Variants in DIP2B observed in about 807,000 individuals in gnomAD.
DIP2B encodes disco-interacting protein 2 homolog B.
DIP2B carries 76 observed loss-of-function variants against 198.0 expected under a neutral mutation model. The observed-to-expected ratio is 0.38, with a 90% confidence interval of 0.32 to 0.46. The LOEUF (loss-of-function observed/expected upper bound fraction) is 0.46. Among genes scored for constraint, DIP2B ranks in the 20% least tolerant of loss-of-function variants. DIP2B has a pLI of 0.99. For synonymous variants in DIP2B, 701 were observed against 739.1 expected (o/e 0.95, Z 0.84); for missense variants, 1,559 against 1,978.4 (o/e 0.79, Z 4.02).
intron 12 of DIP2B, 121 bp from the exon 13 acceptor site, chr12:50,690,928 T>C (rs1939212624): frequency 1.4e-6 from 1 of 737,128 alleles, no homozygotes; most frequent in Non-Finnish European, 2.2e-6. Context: ...ATATTCATAT[T>C]AAACATGTTA....
intron 1 of DIP2B, among the ~76,000 whole-genome samples, chr12:50,598,094 C>CTT (rs2139437477): frequency 6.6e-6 from 1 of 152,236 alleles, no homozygotes; most frequent in East Asian, 1.9e-4. Context: ...GATTTAGTTT[C>CTT]TTTAATGCCG....
intron 1 of DIP2B, among the ~76,000 whole-genome samples, chr12:50,581,283 C>G (rs1958722212): frequency 6.7e-6 from 1 of 149,408 alleles, no homozygotes; most frequent in Admixed American, 6.8e-5. Context: ...GGAATTTATT[C>G]ATAAGCTAAA....
At chr12:50,588,885 T>C (rs1302041330) in intron 1 of DIP2B, among the ~76,000 whole-genome samples, 1 of 152,206 alleles carries the variant, frequency 6.6e-6, no homozygotes, top group African/African-American at 2.4e-5. Context: ...GCTGTCTCAT[T>C]AAATTAAAAT....
intron 4 of DIP2B, 111 bp downstream of exon 4, chr12:50,660,430 G>A (rs1180157037): frequency 1.6e-6 from 2 of 1,270,028 alleles, no homozygotes; most frequent in African/African-American, 1.5e-5. Flanking sequence ...CCCGCCATTA[G>A]AGGAATGTAA....
Position 50,507,609 on chromosome 12 carries a change from G to T in DIP2B, c.100+2369G>T, listed in dbSNP as rs142166891. ...CACTGTTGCCCGATTTTAGCTTACCGCAACCTCCGCCTCCCAGGGTCAAGC... is the reference window on the plus strand; with the variant it reads ...CACTGTTGCCCGATTTTAGCTTACCTCAACCTCCGCCTCCCAGGGTCAAGC... On this transcript the variant is annotated intron_variant, in intron 1 of 37. Coordinates refer to ENST00000301180, the MANE Select transcript of DIP2B (RefSeq NM_173602.3). Among the ~76,000 whole-genome samples the T allele has an allele frequency of 4.7e-3, 717 of 152,072 alleles. 8 individuals are homozygous for T. Among genetic ancestry groups the T allele is most frequent in the African/African-American group, 0.016 (678 of 41,438 alleles).
At chr12:50,569,374 A>G (rs967749459) in intron 1 of DIP2B, among the ~76,000 whole-genome samples, 1 of 152,148 alleles carries the variant, frequency 6.6e-6, no homozygotes, top group Non-Finnish European at 1.5e-5. Context: ...TCACTGTGAC[A>G]TATTAAATTA....
chr12:50,672,695 T>G (rs1385686606), intron 5 of DIP2B, among the ~76,000 whole-genome samples: 1 of 152,182 alleles, frequency 6.6e-6, no homozygotes, highest in Non-Finnish European at 1.5e-5. Flanking sequence ...ATAGAAAAAT[T>G]CAAAAATATA....
chr12:50,707,148 A>G (rs1278252434), intron 21 of DIP2B, among the ~76,000 whole-genome samples: 1 of 152,212 alleles, frequency 6.6e-6, no homozygotes, highest in African/African-American at 2.4e-5. Context: ...TCAATTAGAT[A>G]TCTTTTTTCT....
At chr12:50,523,818 C>CA (rs765444010) in intron 1 of DIP2B, among the ~76,000 whole-genome samples, 1 of 152,124 alleles carries the variant, frequency 6.6e-6, no homozygotes, top group Non-Finnish European at 1.5e-5. Flanking sequence ...CCAATTTCCT[C>CA]AAATTATAAA....
intron 1 of DIP2B, among the ~76,000 whole-genome samples, chr12:50,589,602 G>T (rs191843793): frequency 8.5e-5 from 13 of 152,138 alleles, no homozygotes; most frequent in Admixed American, 8.5e-4. Flanking sequence ...TGTTTTTTAG[G>T]CACAGGAAAT....
intron 1 of DIP2B, among the ~76,000 whole-genome samples, chr12:50,583,442 C>A (rs1023229260): frequency 2.0e-5 from 3 of 152,172 alleles, no homozygotes; most frequent in Admixed American, 2.0e-4. Context: ...TCCCAAGGCG[C>A]TTACTGCTTC....
intron 1 of DIP2B, among the ~76,000 whole-genome samples, chr12:50,599,102 C>T (rs573577989): frequency 4.9e-5 from 7 of 144,116 alleles, no homozygotes; most frequent in African/African-American, 7.7e-5. Flanking sequence ...CCAGCCTGGG[C>T]GACATGGCAA....
intron 1 of DIP2B, among the ~76,000 whole-genome samples, chr12:50,595,380 C>T (rs1415932589): frequency 1.3e-5 from 2 of 152,192 alleles, no homozygotes; most frequent in Non-Finnish European, 2.9e-5. Flanking sequence ...GGCTCCCGAT[C>T]ACAGCTTAGC....
At chr12:50,728,511 AAC>A in intron 29 of DIP2B, 35 bp from the exon 30 acceptor site, 1 of 1,595,548 alleles carries the variant, frequency 6.3e-7, no homozygotes, top group African/African-American at 1.3e-5. Flanking sequence ...CCTGTGGGAT[AAC>A]AGTCCCAGCC....
At position 50,633,913 on chromosome 12, in the gene DIP2B, CAA is replaced by C. The variant is rs1431421675; in HGVS notation, c.173-6810_173-6809del. Among the ~76,000 whole-genome samples the C allele has an allele frequency of 2.6e-5, 4 of 152,246 alleles. No individual in the cohort carries two copies. In the Middle Eastern group the frequency reaches 0.014, roughly 518 times the overall value. ...ACTGACAGTTGTTTCTTTAGTTAAA[CAA>C]GAGCCATACCTTATCTGGTATTTAA... On this transcript the variant is annotated intron_variant, in intron 2 of 37. Transcript: ENST00000301180.
chr12:50,651,241 A>G (rs1938447221), intron 3 of DIP2B, among the ~76,000 whole-genome samples: 1 of 152,186 alleles, frequency 6.6e-6, no homozygotes. Context: ...GCCCTACCCA[A>G]TATATGGCTT....
chr12:50,640,237 G>A (rs565413623), intron 2 of DIP2B, among the ~76,000 whole-genome samples: 10 of 152,132 alleles, frequency 6.6e-5, no homozygotes, highest in Middle Eastern at 3.2e-3. Context: ...GGAGGGGAGA[G>A]TATGGGGACA....
chr12:50,619,250 A>G (rs1454078519), intron 1 of DIP2B, among the ~76,000 whole-genome samples: 5 of 152,162 alleles, frequency 3.3e-5, no homozygotes, highest in Non-Finnish European at 4.4e-5. Context: ...TTTAGCCCCT[A>G]ATTGCTCAAG....
chr12:50,732,252 T>G, intron 31 of DIP2B, 114 bp from the exon 32 acceptor site: 26 of 1,150,124 alleles, frequency 2.3e-5, no homozygotes, highest in South Asian at 3.2e-5. Flanking sequence ...GTGCCTGAGG[T>G]GAGAATACAC....
Sources: allele counts gnomAD v4.1 joint callset (sites outside exome capture counted in the v4.1 genomes callset), GRCh38; gene constraint gnomAD v4.1.1; transcripts MANE v1.5; gene names NCBI Gene and HGNC (gene_info 2026-07-23, HGNC 2026-07-21).